Variants in KCNMB2 observed in about 807,000 individuals in gnomAD.
KCNMB2 encodes calcium-activated potassium channel subunit beta-2.
KCNMB2 carries 9 observed loss-of-function variants against 24.5 expected under a neutral mutation model. The observed-to-expected ratio is 0.37, with a 90% CI of 0.22 to 0.64. The LOEUF is 0.64. Among genes scored for constraint, KCNMB2 ranks in the 30% least tolerant of loss-of-function variants. The pLI, the probability that KCNMB2 is intolerant of heterozygous loss-of-function variation, is 0.63. For synonymous variants in KCNMB2, 109 were observed against 104.4 expected, an observed-to-expected ratio of 1.04 and a Z score of -0.27; for missense variants, 226 against 284.3, an observed-to-expected ratio of 0.79 and a Z score of 1.47.
At position 178,807,041 on chromosome 3, in the gene KCNMB2, GA is replaced by G. The variant is rs553078998; in HGVS notation, c.-67-300del. 5.3e-3 allele frequency among the ~76,000 whole-genome samples: 802 copies of G among 152,288 alleles called. 12 individuals are homozygous for G. The highest frequency in any genetic ancestry group is 0.018 in the African/African-American group (769 of 41,578). On this transcript the variant is annotated intron_variant, in intron 1 of 4. Coordinates refer to ENST00000452583, the MANE Select transcript of KCNMB2 (RefSeq NM_181361.3). Reference sequence around the variant, plus strand: ...TGAAACCATACCAAAGTGATATTTTGAAGGAGATACTTTTGGGAAAATGTGA... The same window carrying G: ...TGAAACCATACCAAAGTGATATTTTGAGGAGATACTTTTGGGAAAATGTGA...
At chr3:178,817,220 T>C (rs1485440828) in intron 2 of KCNMB2, among the ~76,000 whole-genome samples, 2 of 149,654 alleles carry the variant, frequency 1.3e-5, no homozygotes, top group Admixed American at 6.6e-5. Context: ...TAATGACATA[T>C]ATATATAAAT....
intron 1 of KCNMB2, among the ~76,000 whole-genome samples, chr3:178,671,606 T>C (rs1045177051): frequency 2.0e-5 from 3 of 152,134 alleles, no homozygotes; most frequent in African/African-American, 7.2e-5. Context: ...AGCACAGTTT[T>C]CTGGTCAGTC....
At chr3:178,816,212 G>T (rs546756351) in intron 2 of KCNMB2, among the ~76,000 whole-genome samples, 1 of 151,858 alleles carries the variant, frequency 6.6e-6, no homozygotes, top group East Asian at 1.9e-4. Flanking sequence ...ATCAGTTTCA[G>T]TAAGTTATAT....
At chr3:178,547,502 T>C (rs754503316) in intron 1 of KCNMB2, among the ~76,000 whole-genome samples, 1 of 152,178 alleles carries the variant, frequency 6.6e-6, no homozygotes, top group Non-Finnish European at 1.5e-5. Context: ...TAAAACATTT[T>C]AAAATTATAG....
At chr3:178,842,552 T>G (rs1715462039) in intron 4 of KCNMB2, 101 bp from the exon 5 acceptor site, 2 of 760,978 alleles carry the variant, frequency 2.6e-6, no homozygotes, top group East Asian at 4.9e-5. Flanking sequence ...ACCACCATGG[T>G]TATTTCACAG....
chr3:178,733,570 T>C (rs1723222377), intron 1 of KCNMB2, among the ~76,000 whole-genome samples: 2 of 152,156 alleles, frequency 1.3e-5, no homozygotes, highest in African/African-American at 4.8e-5. Context: ...AACCTCCACC[T>C]CCCAGGTTCA....
chr3:178,632,278 T>A (rs1383361480), intron 1 of KCNMB2, among the ~76,000 whole-genome samples: 1 of 152,212 alleles, frequency 6.6e-6, no homozygotes, highest in East Asian at 1.9e-4. Context: ...ACACACAGTA[T>A]GCTCTCTATC....
At chr3:178,679,800 C>T (rs1271240132) in intron 1 of KCNMB2, among the ~76,000 whole-genome samples, 3 of 152,142 alleles carry the variant, frequency 2.0e-5, no homozygotes, top group Non-Finnish European at 2.9e-5. Context: ...AATTTAAAAA[C>T]TCCCTAGTGC....
chr3:178,743,940 C>T (rs775901539), intron 1 of KCNMB2, among the ~76,000 whole-genome samples: 12 of 152,156 alleles, frequency 7.9e-5, no homozygotes, highest in Non-Finnish European at 1.6e-4. Context: ...ATTAAAGCAT[C>T]TATTTCTGGA....
At chr3:178,794,815 C>T (rs1713471379) in intron 1 of KCNMB2, among the ~76,000 whole-genome samples, 1 of 152,128 alleles carries the variant, frequency 6.6e-6, no homozygotes, top group Admixed American at 6.5e-5. Flanking sequence ...TGTGAAGAGC[C>T]CCCTGGCCAT....
chr3:178,571,781 G>A (rs1172798112), intron 1 of KCNMB2, among the ~76,000 whole-genome samples: 1 of 151,988 alleles, frequency 6.6e-6, no homozygotes, highest in East Asian at 1.9e-4. Flanking sequence ...AGAACATGCG[G>A]TGTTTGGCTT....
intron 1 of KCNMB2, among the ~76,000 whole-genome samples, chr3:178,612,561 C>T (rs1376773444): frequency 6.6e-6 from 1 of 152,046 alleles, no homozygotes; most frequent in African/African-American, 2.4e-5. Context: ...GTGACTCCTG[C>T]TCTTTTTTGT....
At chr3:178,620,367 T>C (rs776572113) in intron 1 of KCNMB2, among the ~76,000 whole-genome samples, 1 of 152,186 alleles carries the variant, frequency 6.6e-6, no homozygotes, top group Non-Finnish European at 1.5e-5. Context: ...AAAAGTTATA[T>C]ACAGGAAAGA....
chr3:178,581,647 C>T (rs1392587058), intron 1 of KCNMB2, among the ~76,000 whole-genome samples: 2 of 152,100 alleles, frequency 1.3e-5, no homozygotes, highest in African/African-American at 2.4e-5. Flanking sequence ...CTAGAATCTA[C>T]AAGGAGCTTA....
intron 1 of KCNMB2, among the ~76,000 whole-genome samples, chr3:178,698,291 AT>A (rs1344130899): frequency 1.3e-5 from 2 of 152,114 alleles, no homozygotes; most frequent in Non-Finnish European, 2.9e-5. Flanking sequence ...ACATAATCCC[AT>A]ATTTTTTGGA....
chr3:178,815,165 G>T (rs1380764817), intron 2 of KCNMB2, among the ~76,000 whole-genome samples: 1 of 152,000 alleles, frequency 6.6e-6, no homozygotes, highest in Non-Finnish European at 1.5e-5. Context: ...TTGCAAAAGG[G>T]TCTCGCTCTG....
At chr3:178,787,531 A>G (rs1235217022) in intron 1 of KCNMB2, among the ~76,000 whole-genome samples, 1 of 152,198 alleles carries the variant, frequency 6.6e-6, no homozygotes, top group African/African-American at 2.4e-5. Context: ...AAAAAGCATT[A>G]GAAATTGCCC....
chr3:178,698,163 T>C (rs1721949761), intron 1 of KCNMB2, among the ~76,000 whole-genome samples: 1 of 152,198 alleles, frequency 6.6e-6, no homozygotes, highest in South Asian at 2.1e-4. Context: ...TTTGGGGAAG[T>C]TCTCATGGAA....
intron 1 of KCNMB2, among the ~76,000 whole-genome samples, chr3:178,593,461 A>G (rs1717752819): frequency 6.6e-6 from 1 of 152,068 alleles, no homozygotes; most frequent in Non-Finnish European, 1.5e-5. Flanking sequence ...GACTTTTATG[A>G]GTCCACTTTT....
Sources: gnomAD v4.1 joint callset for allele counts (sites outside exome capture counted in the v4.1 genomes callset) on GRCh38, gnomAD v4.1.1 for gene constraint, MANE v1.5 for transcripts, NCBI Gene and HGNC (gene_info 2026-07-23, HGNC 2026-07-21) for gene names.